LOXL2: variants seen among roughly 807,000 people sequenced by gnomAD.
The protein encoded by LOXL2 is lysyl oxidase homolog 2.
LOXL2 carries 70 observed loss-of-function variants against 93.0 expected under a neutral mutation model. The observed-to-expected ratio is 0.75, with a 90% CI of 0.62 to 0.92. LOXL2 has a LOEUF of 0.92. Ranked by LOEUF, LOXL2 falls within the 40% of genes least tolerant of loss-of-function variation. LOXL2 has a pLI of 0.00. For missense variants in LOXL2, 973 were observed against 1,054.9 expected (o/e 0.92, Z 1.08); for synonymous variants, 438 against 413.2 (o/e 1.06, Z -0.73).
At chr8:23,302,691 G>A (rs1803157639) in intron 11 of LOXL2, among the ~76,000 whole-genome samples, 1 of 152,198 alleles carries the variant, frequency 6.6e-6, no homozygotes, top group Non-Finnish European at 1.5e-5. Flanking sequence ...CTGAGAAGCT[G>A]CCATGCCTGG....
At position 23,328,485 on chromosome 8, in the gene LOXL2, GGTCCC is replaced by G. The variant is rs1563191520; in HGVS notation, c.1042_1046del (p.Gly348ArgfsTer50). ...CCAGGTCCCACTTGTCGTCGCAGAC[GGTCCC>G]CCATTCTCCATTTTTGAGCACCTCC... On this transcript the variant is annotated frameshift_variant, in exon 6 of 14. Coordinates refer to ENST00000389131, the MANE Select transcript of LOXL2 (RefSeq NM_002318.3). LOFTEE classifies it high-confidence loss of function. 3 of 1,614,082 alleles carry G rather than the reference GGTCCC, an allele frequency of 1.9e-6. No individual in the cohort carries two copies. The Admixed American group carries it at 5.0e-5, about 27-fold the overall frequency.
intron 4 of LOXL2, chr8:23,337,040 T>C (rs1261280101): frequency 1.3e-5 from 2 of 152,188 alleles, no homozygotes; most frequent in Non-Finnish European, 2.9e-5. Context: ...TGATTTGGGA[T>C]AGACTTTTGT....
intron 4 of LOXL2, among the ~76,000 whole-genome samples, chr8:23,339,860 C>G (rs1464009582): frequency 6.6e-6 from 1 of 152,130 alleles, no homozygotes; most frequent in Non-Finnish European, 1.5e-5. Flanking sequence ...CACTGACCCA[C>G]CCATGTGAGG....
chr8:23,366,294 C>T (rs999166878), intron 2 of LOXL2, among the ~76,000 whole-genome samples: 10 of 152,230 alleles, frequency 6.6e-5, no homozygotes, highest in Non-Finnish European at 1.3e-4. Context: ...TAAAGCCCAG[C>T]ATTTGCTAAC....
rs780963750 is a variant in LOXL2, at chr8:23,346,777, TC to T, written c.532-5575del. On this transcript the variant is annotated intron_variant, in intron 3 of 13. Coordinates refer to ENST00000389131, the MANE Select transcript of LOXL2 (RefSeq NM_002318.3). ...GTCTTAGCTCAGTGGTTGTTCTCCTTCCCCCTGTTCTAGAAGTCATAATTTA... is the reference window on the plus strand; with the variant it reads ...GTCTTAGCTCAGTGGTTGTTCTCCTTCCCCTGTTCTAGAAGTCATAATTTA... 6.8e-4 allele frequency among the ~76,000 whole-genome samples: 104 copies of T among 152,252 alleles called. 1 individual carries two copies. In the Middle Eastern group the frequency reaches 0.027, roughly 40 times the overall value.
intron 3 of LOXL2, among the ~76,000 whole-genome samples, chr8:23,359,137 C>T (rs1043053565): frequency 6.6e-6 from 1 of 151,876 alleles, no homozygotes. Context: ...CAGGCATAAG[C>T]CCCCGCGCCC....
chr8:23,396,486 G>C (rs187994583), intron 1 of LOXL2, among the ~76,000 whole-genome samples: 1 of 152,182 alleles, frequency 6.6e-6, no homozygotes, highest in African/African-American at 2.4e-5. Context: ...GAGTTCTCCA[G>C]GTGGATTTGA....
chr8:23,365,304 C>T (rs1295113668), intron 2 of LOXL2: 1 of 152,306 alleles, frequency 6.6e-6, no homozygotes, highest in Non-Finnish European at 1.5e-5. Context: ...ATACCCAGAA[C>T]TCTTTTGCCA....
intron 10 of LOXL2, among the ~76,000 whole-genome samples, chr8:23,304,184 G>A (rs931542691): frequency 1.3e-5 from 2 of 152,256 alleles, no homozygotes; most frequent in African/African-American, 4.8e-5. Flanking sequence ...TTCTGCAGGA[G>A]AGCTTGTGCA....
intron 3 of LOXL2, among the ~76,000 whole-genome samples, chr8:23,359,463 GAGA>G (rs1426358175): frequency 6.6e-6 from 1 of 152,168 alleles, no homozygotes; most frequent in Non-Finnish European, 1.5e-5. Context: ...AGGCCACATA[GAGA>G]AGAACAGAGG....
At chr8:23,388,972 T>C (rs1172082586) in intron 1 of LOXL2, among the ~76,000 whole-genome samples, 1 of 152,202 alleles carries the variant, frequency 6.6e-6, no homozygotes, top group African/African-American at 2.4e-5. Flanking sequence ...ACTGTTACAA[T>C]TGTCCAACAA....
chr8:23,333,685 G>T lies in LOXL2; in HGVS notation c.744-62C>A. On this transcript the variant is annotated intron_variant, in intron 4 of 13. Coordinates refer to ENST00000389131, the MANE Select transcript of LOXL2 (RefSeq NM_002318.3). ...CATGACGCCTACCCCGATTCCTTCT[G>T]CAACGAGGCAGAACATGAGAGACTG... The T allele has an allele frequency of 3.0e-6, 4 of 1,342,540 alleles. No individual in the cohort carries two copies. In the South Asian group the frequency reaches 3.8e-5, roughly 13 times the overall value. The allele number at this position is 1,342,540 out of a possible 1,614,324, so 83.2% of individuals were successfully genotyped here. A position where few individuals can be genotyped will look rare whatever the true frequency, so the allele number is the denominator to read the frequency against.
chr8:23,300,255 C>T (rs533847196), intron 12 of LOXL2, among the ~76,000 whole-genome samples: 1 of 152,320 alleles, frequency 6.6e-6, no homozygotes, highest in South Asian at 2.1e-4. Flanking sequence ...TGTGTGTCCC[C>T]CACTGTTTCA....
intron 8 of LOXL2, 90 bp from the exon 9 acceptor site, chr8:23,317,204 C>A: frequency 7.1e-7 from 1 of 1,404,102 alleles, no homozygotes; most frequent in Non-Finnish European, 1.0e-6. Flanking sequence ...ACAAAAATCC[C>A]AATGTTTCAT....
chr8:23,319,347 G>A (rs1449355499), intron 8 of LOXL2, among the ~76,000 whole-genome samples: 1 of 152,214 alleles, frequency 6.6e-6, no homozygotes, highest in African/African-American at 2.4e-5. Context: ...TTTGGAGAGG[G>A]GGCAGTGGGA....
At chr8:23,332,021 G>A (rs1162210148) in intron 5 of LOXL2, 1 of 118,320 alleles carries the variant, frequency 8.5e-6, no homozygotes, top group African/African-American at 3.4e-5. Context: ...GGCAACAAGA[G>A]TGAAACTCTG....
intron 1 of LOXL2, among the ~76,000 whole-genome samples, chr8:23,391,937 G>A (rs530371385): frequency 6.6e-6 from 1 of 152,320 alleles, no homozygotes; most frequent in South Asian, 2.1e-4. Flanking sequence ...CACCTTCTGA[G>A]CTCAGTCCCC....
chr8:23,396,358 A>G (rs1350537139), intron 1 of LOXL2, among the ~76,000 whole-genome samples: 1 of 152,074 alleles, frequency 6.6e-6, no homozygotes, highest in East Asian at 1.9e-4. Flanking sequence ...AAACAAAAAA[A>G]CGAGAGAGAG....
intron 6 of LOXL2, among the ~76,000 whole-genome samples, chr8:23,326,363 C>T (rs1464238144): frequency 2.0e-5 from 3 of 152,152 alleles, no homozygotes; most frequent in African/African-American, 7.2e-5. Context: ...CATCGAGGGC[C>T]TGTTTATTCC....
Sources: gnomAD v4.1 joint callset for allele counts (sites outside exome capture counted in the v4.1 genomes callset) on GRCh38, gnomAD v4.1.1 for gene constraint, MANE v1.5 for transcripts, NCBI Gene and HGNC (gene_info 2026-07-23, HGNC 2026-07-21) for gene names.